GALNT13: variants seen among roughly 807,000 people sequenced by gnomAD.
GALNT13 encodes UDP-GalNAc:polypeptide N-acetylgalactosaminyltransferase 13.
GALNT13 carries 28 observed loss-of-function variants against 64.2 expected under a neutral mutation model. That is an observed-to-expected ratio of 0.44 (90% CI 0.32 to 0.60). GALNT13 has a LOEUF of 0.60. GALNT13 is among the 20% of genes least tolerant of loss of function. The pLI is 0.05. For missense variants in GALNT13, 577 were observed against 669.8 expected, an observed-to-expected ratio of 0.86 and a Z score of 1.53; for synonymous variants, 214 against 224.6, an observed-to-expected ratio of 0.95 and a Z score of 0.42.
At chr2:153,552,712 C>G in the GALNT13 span, among the ~76,000 whole-genome samples, 1 of 151,468 alleles carries the variant, frequency 6.6e-6, no homozygotes, top group Admixed American at 6.6e-5. Context: ...AACAGTGGTC[C>G]CCAACCTTTT....
chr2:153,694,165 T>A, the GALNT13 span, among the ~76,000 whole-genome samples: 1 of 152,106 alleles, frequency 6.6e-6, no homozygotes, highest in Non-Finnish European at 1.5e-5. Flanking sequence ...TGGGAACAAA[T>A]GGAAGGTACT....
the GALNT13 span, among the ~76,000 whole-genome samples, chr2:153,726,546 A>G: frequency 1.3e-5 from 2 of 152,216 alleles, no homozygotes; most frequent in South Asian, 4.1e-4. Flanking sequence ...ATGAATGCCT[A>G]AACTTCTACC....
At chr2:153,991,393 T>C (rs1695148124) in intron 3 of GALNT13, among the ~76,000 whole-genome samples, 2 of 152,014 alleles carry the variant, frequency 1.3e-5, no homozygotes. Flanking sequence ...GAGTCAGATA[T>C]ATTATGAGAT....
intron 3 of GALNT13, among the ~76,000 whole-genome samples, chr2:154,072,022 G>C (rs1355278083): frequency 6.6e-6 from 1 of 152,038 alleles, no homozygotes; most frequent in African/African-American, 2.4e-5. Flanking sequence ...TCAACAATAC[G>C]AATATCCAGA....
At chr2:153,154,209 G>A in the GALNT13 span, among the ~76,000 whole-genome samples, 19,276 of 151,994 alleles carry the variant, frequency 0.13, 1,334 homozygotes, top group African/African-American at 0.13. Flanking sequence ...GATGTGGGCA[G>A]GTTTCTCCCA....
At chr2:154,288,292 CAT>C (rs376124884) in intron 8 of GALNT13, among the ~76,000 whole-genome samples, 4 of 152,088 alleles carry the variant, frequency 2.6e-5, no homozygotes, top group African/African-American at 9.7e-5. Flanking sequence ...CCTCCCACAA[CAT>C]GTGGGAATCA....
At chr2:153,174,731 C>G in the GALNT13 span, among the ~76,000 whole-genome samples, 1 of 152,144 alleles carries the variant, frequency 6.6e-6, no homozygotes, top group East Asian at 1.9e-4. Context: ...CACTTAATAA[C>G]AAGAATCACA....
the GALNT13 span, among the ~76,000 whole-genome samples, chr2:153,542,406 A>C: frequency 6.6e-6 from 1 of 152,116 alleles, no homozygotes; most frequent in East Asian, 1.9e-4. Flanking sequence ...GGACTATTGC[A>C]ATAGGAGAAA....
chr2:154,194,922 T>C (rs1474658818), intron 4 of GALNT13, among the ~76,000 whole-genome samples: 1 of 150,836 alleles, frequency 6.6e-6, no homozygotes, highest in Non-Finnish European at 1.5e-5. Context: ...GTTTGTTACA[T>C]AGATATACAT....
the GALNT13 span, among the ~76,000 whole-genome samples, chr2:153,217,805 G>C: frequency 6.6e-6 from 1 of 151,992 alleles, no homozygotes; most frequent in African/African-American, 2.4e-5. Context: ...TTATACCTAA[G>C]TCTGATCCTG....
intron 4 of GALNT13, among the ~76,000 whole-genome samples, chr2:154,194,091 A>G (rs1176157418): frequency 6.6e-6 from 1 of 152,192 alleles, no homozygotes; most frequent in African/African-American, 2.4e-5. Flanking sequence ...CTTGTGTCCC[A>G]GCCTAAACTT....
chr2:153,963,731 CTGTGTGTG>C lies in GALNT13; in HGVS notation c.142+19136_142+19143del, dbSNP rs58455059. ...TCTCCGTCTCTCTCTCTCTCTCTCT[CTGTGTGTG>C]TGTGTGTGTGTGTGTGTGTGTGTGT... On this transcript the variant is annotated intron_variant, in intron 3 of 12. Transcript: ENST00000392825. Among the ~76,000 whole-genome samples, 510 of 100,782 alleles carry C rather than the reference CTGTGTGTG, an allele frequency of 5.1e-3. 1 individual carries two copies. Among genetic ancestry groups the C allele is most frequent in the East Asian group, 0.01 (35 of 3,390 alleles). 66.1% of individuals were successfully genotyped at this position (100,782 alleles called of 152,430 possible). A position where few individuals can be genotyped will look rare whatever the true frequency, so the allele number is the denominator to read the frequency against.
chr2:153,465,972 T>C, the GALNT13 span, among the ~76,000 whole-genome samples: 16 of 152,054 alleles, frequency 1.1e-4, no homozygotes, highest in African/African-American at 3.1e-4. Flanking sequence ...GCTGCTTGTT[T>C]AGATCAGACA....
At chr2:154,381,884 G>A (rs1233545113) in intron 9 of GALNT13, among the ~76,000 whole-genome samples, 3 of 152,014 alleles carry the variant, frequency 2.0e-5, no homozygotes, top group Non-Finnish European at 2.9e-5. Context: ...CAGTGATTTT[G>A]AGATATGCCC....
the GALNT13 span, among the ~76,000 whole-genome samples, chr2:153,299,955 C>T: frequency 7.2e-4 from 110 of 152,204 alleles, no homozygotes; most frequent in African/African-American, 2.0e-3. Context: ...CCCGTGGTGC[C>T]GAGTACAGCC....
At chr2:153,379,955 A>C in the GALNT13 span, among the ~76,000 whole-genome samples, 2 of 152,190 alleles carry the variant, frequency 1.3e-5, no homozygotes, top group African/African-American at 4.8e-5. Context: ...AGAAAAAGGA[A>C]AAAAGAACAA....
At chr2:153,739,560 A>AT in the GALNT13 span, among the ~76,000 whole-genome samples, 1 of 66,396 alleles carries the variant, frequency 1.5e-5, no homozygotes, top group African/African-American at 4.5e-5. Context: ...TTATTTATTT[A>AT]TTATTTTATT....
chr2:154,301,702 A>G (rs1215470964), intron 9 of GALNT13, 113 bp downstream of exon 9: 1 of 695,494 alleles, frequency 1.4e-6, no homozygotes. Flanking sequence ...GTTTATTACC[A>G]TAATATTGCA....
chr2:153,497,522 A>ATTTTTTT, the GALNT13 span, among the ~76,000 whole-genome samples: 317 of 36,906 alleles, frequency 8.6e-3, 85 homozygotes, highest in Non-Finnish European at 9.6e-3. Flanking sequence ...TTTCTCCCGC[A>ATTTTTTT]TTTTTTTTTT....
Sources: allele counts gnomAD v4.1 joint callset (sites outside exome capture counted in the v4.1 genomes callset), GRCh38; gene constraint gnomAD v4.1.1; transcripts MANE v1.5; gene names NCBI Gene and HGNC (gene_info 2026-07-23, HGNC 2026-07-21).